The following ANO3 variants were observed in gnomAD, a reference collection of about 807,000 sequenced individuals.
ANO3 encodes anoctamin 3.
In ANO3, 99 loss-of-function variants were observed where a neutral mutation model predicts 144.8. The observed-to-expected ratio is 0.68, with a 90% CI of 0.58 to 0.81. ANO3 has a LOEUF of 0.81. Ranked by LOEUF, ANO3 falls within the 30% of genes least tolerant of loss-of-function variation. The pLI is 0.00. For missense variants in ANO3, 905 were observed against 1,202.2 expected (o/e 0.75, Z 3.66); for synonymous variants, 414 against 392.6 (o/e 1.05, Z -0.64).
chr11:26,248,169 C>G (rs990246638), intron 1 of ANO3, among the ~76,000 whole-genome samples: 1 of 151,872 alleles, frequency 6.6e-6, no homozygotes, highest in Non-Finnish European at 1.5e-5. Flanking sequence ...GAAACCCCAC[C>G]TCTACTAAAA....
intron 26 of ANO3, among the ~76,000 whole-genome samples, 162 bp downstream of exon 26, chr11:26,656,643 A>C (rs1853698536): frequency 6.6e-6 from 1 of 152,196 alleles, no homozygotes; most frequent in African/African-American, 2.4e-5. Context: ...AGTACAGAAA[A>C]GCAAGAGCTG....
chr11:26,639,270 A>G (rs770683199), intron 21 of ANO3, 29 bp downstream of exon 21: 7 of 1,553,678 alleles, frequency 4.5e-6, no homozygotes, highest in Non-Finnish European at 6.2e-6. Context: ...AACTTGCCTT[A>G]TGTCTAGTTA....
chr11:26,559,417 T>C, intron 13 of ANO3: 2 of 234,578 alleles, frequency 8.5e-6, no homozygotes, highest in Non-Finnish European at 1.6e-5. Context: ...TTTGACAATC[T>C]GTGACCCACA....
intron 1 of ANO3, among the ~76,000 whole-genome samples, chr11:26,261,400 C>A (rs1255960481): frequency 6.6e-6 from 1 of 152,124 alleles, no homozygotes; most frequent in East Asian, 1.9e-4. Flanking sequence ...CTGACCATGA[C>A]AAGAAACATA....
intron 6 of ANO3, among the ~76,000 whole-genome samples, chr11:26,522,680 TG>T (rs1341878340): frequency 1.3e-5 from 2 of 152,202 alleles, no homozygotes; most frequent in African/African-American, 2.4e-5. Context: ...TACAGGTTGT[TG>T]TTTGCTTCCT....
chr11:26,523,707 GTATTTA>G, intron 6 of ANO3, among the ~76,000 whole-genome samples: 1 of 152,200 alleles, frequency 6.6e-6, no homozygotes, highest in Middle Eastern at 3.4e-3. Flanking sequence ...GTTCTAAAAA[GTATTTA>G]TATTCATTTT....
intron 1 of ANO3, among the ~76,000 whole-genome samples, chr11:26,220,995 G>A (rs1174864380): frequency 6.6e-6 from 1 of 152,194 alleles, no homozygotes; most frequent in East Asian, 1.9e-4. Context: ...TCATTCAAGA[G>A]TATAGATCCA....
At chr11:26,433,164 G>A (rs946800116) in intron 1 of ANO3, among the ~76,000 whole-genome samples, 1 of 152,246 alleles carries the variant, frequency 6.6e-6, no homozygotes, top group Non-Finnish European at 1.5e-5. Context: ...AATTGTGAAA[G>A]GGATTGTGTT....
chr11:26,213,284 A>C (rs1036260077), intron 1 of ANO3, among the ~76,000 whole-genome samples: 4 of 152,130 alleles, frequency 2.6e-5, no homozygotes, highest in Non-Finnish European at 5.9e-5. Flanking sequence ...TGGCCAGGGA[A>C]ATCAGGCAAG....
chr11:26,620,393 G>A (rs1184135817), intron 17 of ANO3, among the ~76,000 whole-genome samples: 1 of 150,130 alleles, frequency 6.7e-6, no homozygotes, highest in Non-Finnish European at 1.5e-5. Context: ...CCTGGAATTA[G>A]GCTAATTAAA....
At chr11:26,441,122 T>TGTTTTTG (rs1362026408) in intron 1 of ANO3, among the ~76,000 whole-genome samples, 1 of 123,974 alleles carries the variant, frequency 8.1e-6, no homozygotes, top group Non-Finnish European at 1.7e-5. Flanking sequence ...TTTTTTTTTT[T>TGTTTTTG]TTTTTTTTTT....
At chr11:26,338,775 C>T (rs1373643336) in intron 1 of ANO3, among the ~76,000 whole-genome samples, 1 of 152,062 alleles carries the variant, frequency 6.6e-6, no homozygotes, top group Non-Finnish European at 1.5e-5. Context: ...GGCTTCACTC[C>T]TGAAGTCAGT....
intron 13 of ANO3, 73 bp from the exon 14 acceptor site, chr11:26,559,646 G>C: frequency 9.9e-7 from 1 of 1,009,882 alleles, no homozygotes; most frequent in Non-Finnish European, 1.6e-6. Context: ...CATAGTACCT[G>C]AGTGCAAACA....
chr11:26,543,035 G>A (rs1849685582), intron 11 of ANO3, among the ~76,000 whole-genome samples: 1 of 152,048 alleles, frequency 6.6e-6, no homozygotes, highest in Non-Finnish European at 1.5e-5. Flanking sequence ...CAGGGTCAAG[G>A]GAGACAGTGA....
intron 18 of ANO3, among the ~76,000 whole-genome samples, chr11:26,630,309 T>A (rs1308763033): frequency 6.6e-6 from 1 of 152,262 alleles, no homozygotes; most frequent in African/African-American, 2.4e-5. Flanking sequence ...GTATTATTTG[T>A]CTTCACTGGC....
At chr11:26,324,926 G>A (rs1190191139) in intron 1 of ANO3, among the ~76,000 whole-genome samples, 1 of 152,040 alleles carries the variant, frequency 6.6e-6, no homozygotes, top group Admixed American at 6.6e-5. Flanking sequence ...TAAATTGATT[G>A]GTTGCTCCTG....
chr11:26,407,064 G>GTA (rs1362693401), intron 1 of ANO3, among the ~76,000 whole-genome samples: 33 of 60,048 alleles, frequency 5.5e-4, no homozygotes, highest in South Asian at 1.5e-3. Flanking sequence ...GTGTGTGTGT[G>GTA]TGTGTGTGTG....
chr11:26,484,949 T>C (rs1393301086), intron 4 of ANO3, among the ~76,000 whole-genome samples: 1 of 152,196 alleles, frequency 6.6e-6, no homozygotes, highest in African/African-American at 2.4e-5. Context: ...GCAGCCCCTT[T>C]GTTTTGTCAA....
At chr11:26,267,204 C>A (rs568257999) in intron 1 of ANO3, among the ~76,000 whole-genome samples, 284 of 151,190 alleles carry the variant, frequency 1.9e-3, no homozygotes, top group Non-Finnish European at 3.0e-3. Context: ...ACACACACAC[C>A]CCCAAAATGT....
Sources: gnomAD v4.1 joint callset for allele counts (sites outside exome capture counted in the v4.1 genomes callset) on GRCh38, gnomAD v4.1.1 for gene constraint, MANE v1.5 for transcripts, NCBI Gene and HGNC (gene_info 2026-07-23, HGNC 2026-07-21) for gene names.